CABIN1: variants seen among roughly 807,000 people sequenced by gnomAD.
CABIN1 encodes calcineurin-binding protein cabin-1.
A neutral mutation model predicts 227.7 loss-of-function variants in CABIN1; 133 were observed. The ratio of observed to expected loss-of-function variants is 0.58; its 90% CI spans 0.51 to 0.67. The LOEUF (loss-of-function observed/expected upper bound fraction) is 0.67, where lower values mean the gene tolerates loss of function less well. Ranked by LOEUF, CABIN1 falls within the 30% of genes least tolerant of loss-of-function variation. The probability of loss-of-function intolerance (pLI) is 0.00; values close to 1 mark genes in which losing one functional copy is unlikely to be tolerated. For synonymous variants in CABIN1, 1,086 were observed against 1,155.1 expected (o/e 0.94, Z 1.21); for missense variants, 2,408 against 2,852.5 (o/e 0.84, Z 3.55).
chr22:24,035,584 G>A, intron 2 of CABIN1, 64 bp downstream of exon 2: 1 of 1,599,542 alleles, frequency 6.3e-7, no homozygotes, highest in Admixed American at 1.7e-5. Context: ...ACTCCTGGGG[G>A]CGAGGGGCAT....
At chr22:24,092,273 G>T (rs1174725967) in intron 24 of CABIN1, among the ~76,000 whole-genome samples, 5 of 152,158 alleles carry the variant, frequency 3.3e-5, no homozygotes, top group African/African-American at 1.2e-4. Flanking sequence ...GTTGGCAGGG[G>T]CTGAGCTAGG....
rs190154450 is a variant in CABIN1 at position 24,051,122 on chromosome 22, G to A, written c.806+148G>A. 3.2e-3 allele frequency: 3,127 copies of A among 970,360 alleles called. 9 individuals are homozygous for A. The highest frequency in any genetic ancestry group is 8.1e-3 in the Middle Eastern group (26 of 3,226). The allele number at this position is 970,360 out of a possible 1,614,324, so 60.1% of individuals were successfully genotyped here. On this transcript the variant is annotated intron_variant, in intron 8 of 36. Transcript: ENST00000263119. The stretch of plus-strand genomic sequence containing the variant: ...TGGGTGCACAGTGGCCAAATGGTTG[G>A]AGGTGCATGCTTACTTGATTACTAA...
intron 14 of CABIN1, among the ~76,000 whole-genome samples, chr22:24,063,545 A>G (rs2039356084): frequency 6.6e-6 from 1 of 152,114 alleles, no homozygotes; most frequent in South Asian, 2.1e-4. Context: ...CTGTTTTATG[A>G]GAGTTCTGGG....
At chr22:24,106,426 G>A (rs539019439) in intron 26 of CABIN1, among the ~76,000 whole-genome samples, 3 of 152,184 alleles carry the variant, frequency 2.0e-5, no homozygotes, top group Non-Finnish European at 2.9e-5. Flanking sequence ...AGGAATGGGG[G>A]TGGCTCTGGG....
intron 28 of CABIN1, among the ~76,000 whole-genome samples, chr22:24,127,731 T>C (rs886359351): frequency 1.3e-5 from 2 of 152,116 alleles, no homozygotes; most frequent in African/African-American, 4.8e-5. Context: ...AGATAGTCAT[T>C]CATCCTGCTT....
At chr22:24,124,435 C>T (rs2043596898) in intron 28 of CABIN1, among the ~76,000 whole-genome samples, 1 of 152,222 alleles carries the variant, frequency 6.6e-6, no homozygotes, top group Non-Finnish European at 1.5e-5. Context: ...CTGAGGCTGC[C>T]CTCCCTCCCA....
intron 28 of CABIN1, among the ~76,000 whole-genome samples, chr22:24,132,566 G>A (rs552892521): frequency 6.6e-6 from 1 of 152,062 alleles, no homozygotes; most frequent in South Asian, 2.1e-4. Context: ...TGCTGGGGAC[G>A]TTTTTCTGTT....
At chr22:24,158,707 AC>A (rs1477430008) in intron 29 of CABIN1, among the ~76,000 whole-genome samples, 1 of 144,640 alleles carries the variant, frequency 6.9e-6, no homozygotes, top group African/African-American at 2.6e-5. Flanking sequence ...TTCTTCAAAA[AC>A]CCCCCACATC....
At chr22:24,015,056 G>C (rs2035143170) in intron 1 of CABIN1, among the ~76,000 whole-genome samples, 1 of 151,954 alleles carries the variant, frequency 6.6e-6, no homozygotes, top group Non-Finnish European at 1.5e-5. Flanking sequence ...CTGAGGTCAG[G>C]ATTTCAAGAC....
intron 28 of CABIN1, among the ~76,000 whole-genome samples, chr22:24,128,358 A>G (rs1348981752): frequency 1.3e-5 from 2 of 152,122 alleles, no homozygotes; most frequent in Non-Finnish European, 2.9e-5. Flanking sequence ...CTTTATCCAA[A>G]CAGACATTCT....
intron 29 of CABIN1, chr22:24,162,003 T>C (rs2046185458): frequency 6.6e-6 from 1 of 152,286 alleles, no homozygotes. Context: ...GGAACCGCTG[T>C]GTCCAGGTCA....
At chr22:24,163,313 A>G (rs1295433448) in intron 29 of CABIN1, among the ~76,000 whole-genome samples, 1 of 152,132 alleles carries the variant, frequency 6.6e-6, no homozygotes, top group East Asian at 1.9e-4. Context: ...CTTTCCTCCC[A>G]GGGCTGCTAG....
intron 29 of CABIN1, among the ~76,000 whole-genome samples, chr22:24,145,620 G>A (rs1188740771): frequency 6.6e-6 from 1 of 152,154 alleles, no homozygotes; most frequent in Non-Finnish European, 1.5e-5. Context: ...CTGTCGTCCC[G>A]TGTGTCTCTG....
chr22:24,092,492 A>G (rs1311310089), intron 24 of CABIN1, among the ~76,000 whole-genome samples: 1 of 152,136 alleles, frequency 6.6e-6, no homozygotes, highest in Admixed American at 6.5e-5. Context: ...ACATTGGTAG[A>G]GATCCAGATG....
chr22:24,097,503 ATAC>A (rs1231180587), intron 25 of CABIN1, among the ~76,000 whole-genome samples: 3 of 152,236 alleles, frequency 2.0e-5, no homozygotes, highest in African/African-American at 7.2e-5. Flanking sequence ...GCTACTTACT[ATAC>A]CATAGTATGG....
At chr22:24,030,150 A>G (rs1025049388) in intron 1 of CABIN1, among the ~76,000 whole-genome samples, 8 of 152,168 alleles carry the variant, frequency 5.3e-5, no homozygotes, top group South Asian at 4.1e-4. Context: ...AGCAAATACA[A>G]TTTATTCTAT....
intron 29 of CABIN1, among the ~76,000 whole-genome samples, chr22:24,164,071 G>A (rs2046308470): frequency 6.6e-6 from 1 of 152,208 alleles, no homozygotes; most frequent in Admixed American, 6.5e-5. Flanking sequence ...GTACACACTG[G>A]GCCTCTCACT....
At chr22:24,159,774 A>T (rs181526990) in intron 29 of CABIN1, among the ~76,000 whole-genome samples, 2 of 152,128 alleles carry the variant, frequency 1.3e-5, no homozygotes, top group African/African-American at 4.8e-5. Flanking sequence ...TTCCTGCAAC[A>T]TTGCCCAAGG....
chr22:24,168,227 A>C (rs1167363457), intron 32 of CABIN1, among the ~76,000 whole-genome samples: 1 of 152,256 alleles, frequency 6.6e-6, no homozygotes, highest in Non-Finnish European at 1.5e-5. Context: ...ATGGATGGGC[A>C]TCTGCCCCTG....
Sources: gnomAD v4.1 joint callset for allele counts (sites outside exome capture counted in the v4.1 genomes callset) on GRCh38, gnomAD v4.1.1 for gene constraint, MANE v1.5 for transcripts, NCBI Gene and HGNC (gene_info 2026-07-23, HGNC 2026-07-21) for gene names.